STXBP2: variants seen among roughly 807,000 people sequenced by gnomAD.
STXBP2 encodes the protein syntaxin binding protein 2.
A neutral mutation model predicts 72.2 loss-of-function variants in STXBP2; 47 were observed. That is an observed-to-expected ratio of 0.65 (90% confidence interval 0.51 to 0.83). The LOEUF (loss-of-function observed/expected upper bound fraction) is 0.83. Among genes scored for constraint, STXBP2 ranks in the 40% least tolerant of loss-of-function variants. The pLI, the probability that STXBP2 is intolerant of heterozygous loss-of-function variation, is 0.00. For missense variants in STXBP2, 702 were observed against 807.6 expected (o/e 0.87, Z 1.58); for synonymous variants, 367 against 338.7 (o/e 1.08, Z -0.92).
rs572678074 is a variant in STXBP2, at chr19:7,637,126, C to A, written c.-24C>A. The A allele has an allele frequency of 3.2e-6, 4 of 1,239,762 alleles. No individual in the cohort carries two copies. The highest frequency in any genetic ancestry group is 2.7e-4 in the Middle Eastern group (1 of 3,752). 76.8% of individuals were successfully genotyped at this position (1,239,762 alleles called of 1,614,324 possible). A position where few individuals can be genotyped will look rare whatever the true frequency, so the allele number is the denominator to read the frequency against. On this transcript the variant is annotated 5_prime_UTR_variant, in exon 1 of 19. Transcript: ENST00000221283. Reference sequence around the variant, plus strand: ...CCCCACCTTGGGACACACCCGGAAGCGGCGGCGGCGCCCCTCGGGGAAGAT... The same window carrying A: ...CCCCACCTTGGGACACACCCGGAAGAGGCGGCGGCGCCCCTCGGGGAAGAT...
At chr19:7,640,317 T>G in intron 4 of STXBP2, 2 of 556,938 alleles carry the variant, frequency 3.6e-6, no homozygotes, top group South Asian at 3.2e-5. Flanking sequence ...TGTGTGCATC[T>G]GTGTGTGCGT....
chr19:7,642,015 T>A lies in STXBP2; in HGVS notation c.579-19T>A. The stretch of plus-strand genomic sequence containing the variant: ...CCCCATCCCCTGATGATGTCCCCCG[T>A]GTCTGACCTCCCCGCCAGGGGCCCA... On this transcript the variant is annotated intron_variant, in intron 7 of 18. Coordinates refer to ENST00000221283, the MANE Select transcript of STXBP2 (RefSeq NM_006949.4). This position sits in a 1 kb window ranked among gnomAD's most constrained non-coding sequence, Gnocchi z 6.0. 1 of 1,613,782 alleles carries A rather than the reference T, an allele frequency of 6.2e-7. No individual in the cohort carries two copies.
chr19:7,639,938 G>A (rs1007236889), intron 4 of STXBP2, 131 bp downstream of exon 4: 11 of 429,054 alleles, frequency 2.6e-5, no homozygotes, highest in Non-Finnish European at 3.9e-5. Flanking sequence ...GTATGTGTGT[G>A]CATGTGTGTG....
chr19:7,642,664 C>T lies in STXBP2; in HGVS notation c.903-102C>T. ...ACCCCTCGTGTGACTCCAGACTGGC[C>T]TCCAATTTCACCCCACCTCTCCCTG... On this transcript the variant is annotated intron_variant, in intron 10 of 18. Transcript: ENST00000221283. This position sits in a 1 kb window ranked among gnomAD's most constrained non-coding sequence, Gnocchi z 6.0. 1 of 1,481,394 alleles carries T rather than the reference C, an allele frequency of 6.8e-7. No homozygotes were observed. The highest frequency in any genetic ancestry group is 9.4e-7 in the Non-Finnish European group (1 of 1,067,126). 91.8% of individuals were successfully genotyped at this position (1,481,394 alleles called of 1,614,324 possible).
At chr19:7,630,039 T>A in the STXBP2 span, 1 of 582,028 alleles carries the variant, frequency 1.7e-6, no homozygotes, top group Non-Finnish European at 2.6e-6. Flanking sequence ...CTGGGGGGGT[T>A]CTCGGATTTG....
intron 4 of STXBP2, chr19:7,640,102 G>A (rs775280070): frequency 4.9e-6 from 3 of 606,180 alleles, no homozygotes; most frequent in Non-Finnish European, 6.2e-6. Flanking sequence ...GTGCATTTGT[G>A]TCTGTGCATG....
chr19:7,633,409 C>T (rs537729714), upstream of STXBP2: 28 of 1,569,194 alleles, frequency 1.8e-5, no homozygotes, highest in Admixed American at 2.2e-4. Flanking sequence ...CCTCTCACCT[C>T]GGCACAGGGG....
intron 16 of STXBP2, 67 bp from the exon 17 acceptor site, chr19:7,647,095 G>A (rs984645417): frequency 6.5e-7 from 1 of 1,539,644 alleles, no homozygotes; most frequent in East Asian, 2.2e-5. Flanking sequence ...AATACCCCGT[G>A]GGGGGCACTC....
intron 16 of STXBP2, 146 bp downstream of exon 16, chr19:7,646,490 G>C (rs1215790687): frequency 1.2e-6 from 1 of 821,022 alleles, no homozygotes; most frequent in Non-Finnish European, 2.0e-6. Context: ...TCTGCTGAGG[G>C]GGGCACGCCA....
chr19:7,646,735 C>T (rs1036009809), intron 16 of STXBP2: 2 of 380,520 alleles, frequency 5.3e-6, no homozygotes, highest in African/African-American at 4.1e-5. Flanking sequence ...CCCGGCCCCT[C>T]TTTCTGCGTG....
rs2031905048 is a variant in STXBP2 at position 7,642,025 on chromosome 19, C to A, written c.579-9C>A. 6.2e-7 allele frequency: 1 copy of A among 1,613,878 alleles called. No homozygotes were observed. Among genetic ancestry groups the A allele is most frequent in the African/African-American group, 1.3e-5 (1 of 74,942 alleles). ...TGATGATGTCCCCCGTGTCTGACCT[C>A]CCCGCCAGGGGCCCAGAGGACACAG... is the stretch of plus-strand genomic sequence containing the variant. On this transcript the variant is annotated splice_polypyrimidine_tract_variant and intron_variant, in intron 7 of 18. Coordinates refer to ENST00000221283, the MANE Select transcript of STXBP2 (RefSeq NM_006949.4). The surrounding 1 kb of genome is among the most constrained non-coding windows in gnomAD (Gnocchi z 6.0).
rs755986606 is a variant in STXBP2 at position 7,642,969 on chromosome 19, C to T, written c.961-14C>T. ...CGCCCCCCAATCCCTACCCTCTTCC[C>T]CCTACTTCCCCAGGCGAACATCAAA... is the stretch of plus-strand genomic sequence containing the variant. On this transcript the variant is annotated splice_polypyrimidine_tract_variant and intron_variant, in intron 11 of 18. Transcript: ENST00000221283. The surrounding 1 kb of genome is among the most constrained non-coding windows in gnomAD (Gnocchi z 6.0). The T allele has an allele frequency of 1.9e-6, 3 of 1,614,180 alleles. No individual in the cohort carries two copies. The East Asian group carries it at 6.7e-5, about 36-fold the overall frequency.
chr19:7,645,114 A>G, intron 14 of STXBP2, 83 bp from the exon 15 acceptor site: 1 of 1,488,792 alleles, frequency 6.7e-7, no homozygotes, highest in Non-Finnish European at 9.2e-7. Context: ...GAGTCCTGGG[A>G]GCTCCTCAGC....
upstream of STXBP2, chr19:7,633,697 CG>C (rs1377290862): frequency 1.4e-5 from 8 of 566,834 alleles, no homozygotes; most frequent in Non-Finnish European, 2.5e-5. Context: ...GCTTGGACCT[CG>C]CTGTGCCCAG....
rs148868283 is a variant in STXBP2, at chr19:7,647,384, G to A, written c.1569G>A (p.Lys523=). The change falls in exon 18 of 19, where the codon AAG becomes AAA. Residue 523 remains lysine, a synonymous_variant. Transcript: ENST00000221283. The part of the protein sequence containing the change: ...SARFGHWHKN[K]AGIEARAGPR... ...GCTTCGGTCACTGGCACAAGAACAA[G>A]GCTGGCATAGAAGCCCGGGCGGGCC... 6.6e-4 allele frequency: 1,063 copies of A among 1,613,416 alleles called. 1 individual carries two copies. The Middle Eastern group carries it at 9.4e-3, about 14-fold the overall frequency.
At chr19:7,641,476 A>G (rs529358335) in intron 6 of STXBP2, among the ~76,000 whole-genome samples, 8 of 152,268 alleles carry the variant, frequency 5.3e-5, no homozygotes, top group African/African-American at 1.9e-4. Flanking sequence ...GGCAGCGTAG[A>G]GCGCACCGCG....
intron 13 of STXBP2, 128 bp from the exon 14 acceptor site, chr19:7,644,486 C>T: frequency 7.7e-7 from 1 of 1,304,948 alleles, no homozygotes; most frequent in Non-Finnish European, 1.1e-6. Context: ...CTTGAGAGAC[C>T]TGGTGCTGAG....
At chr19:7,643,410 T>A (rs955104426) in intron 13 of STXBP2, 165 bp downstream of exon 13, 2 of 727,052 alleles carry the variant, frequency 2.8e-6, no homozygotes, top group Non-Finnish European at 4.6e-6. Flanking sequence ...GAGTGGGTCT[T>A]GTGGAGAAAC....
chr19:7,632,350 T>C (rs2031348334), upstream of STXBP2: 1 of 1,610,524 alleles, frequency 6.2e-7, no homozygotes, highest in Non-Finnish European at 8.5e-7. The surrounding 1 kb of genome is among the most constrained non-coding windows in gnomAD (Gnocchi z 5.2). Context: ...CGGAGAGCAC[T>C]GCCTGGCGGG....
Sources: allele counts gnomAD v4.1 joint callset (sites outside exome capture counted in the v4.1 genomes callset), GRCh38; gene constraint gnomAD v4.1.1; non-coding constraint Gnocchi (gnomAD v3.1); transcripts MANE v1.5; gene names NCBI Gene and HGNC (gene_info 2026-07-23, HGNC 2026-07-21).